Variants in DCDC1 observed in about 807,000 individuals in gnomAD.
The protein encoded by DCDC1 is doublecortin domain containing 1, also known as doublecortin domain-containing protein 1.
In DCDC1, 200 loss-of-function variants were observed where a neutral mutation model predicts 178.3. The ratio of observed to expected loss-of-function variants is 1.12; its 90% CI spans 1.00 to 1.26. The LOEUF (loss-of-function observed/expected upper bound fraction) is 1.26. Ranked by LOEUF, DCDC1 falls within the 50% of genes most tolerant of loss-of-function variation. The probability of loss-of-function intolerance (pLI) is 0.00; values close to 1 mark genes in which losing one functional copy is unlikely to be tolerated. For synonymous variants in DCDC1, 690 were observed against 604.8 expected, an observed-to-expected ratio of 1.14 and a Z score of -2.07; for missense variants, 1,983 against 1,749.2, an observed-to-expected ratio of 1.13 and a Z score of -2.38.
intron 20 of DCDC1, among the ~76,000 whole-genome samples, chr11:31,002,234 C>T (rs954739597): frequency 3.3e-5 from 5 of 152,118 alleles, no homozygotes; most frequent in Admixed American, 2.0e-4. Flanking sequence ...TTATCCAATG[C>T]AGAAGTAATT....
chr11:30,867,739 G>A (rs566047663), intron 38 of DCDC1, among the ~76,000 whole-genome samples: 4 of 152,200 alleles, frequency 2.6e-5, no homozygotes, highest in African/African-American at 7.2e-5. Flanking sequence ...TGCAGATCCT[G>A]GTGAGCACCT....
chr11:30,880,554 A>G (rs185830818), intron 37 of DCDC1, among the ~76,000 whole-genome samples: 77 of 152,298 alleles, frequency 5.1e-4, no homozygotes, highest in Admixed American at 2.6e-3. Context: ...CTTTAGAGTG[A>G]TAACAGTGTT....
At chr11:31,132,704 T>A (rs1463587969) in intron 10 of DCDC1, among the ~76,000 whole-genome samples, 1 of 152,090 alleles carries the variant, frequency 6.6e-6, no homozygotes, top group Non-Finnish European at 1.5e-5. Flanking sequence ...TCTGACCCTA[T>A]CAGTCCCATT....
chr11:31,112,710 AAGTACAG>A (rs1157442306), intron 11 of DCDC1, among the ~76,000 whole-genome samples: 8 of 152,288 alleles, frequency 5.3e-5, no homozygotes, highest in African/African-American at 7.2e-5. Flanking sequence ...TAGCAACACA[AAGTACAG>A]AGTTTCAAGA....
At chr11:31,042,531 A>G (rs1227864168) in intron 20 of DCDC1, among the ~76,000 whole-genome samples, 1 of 152,054 alleles carries the variant, frequency 6.6e-6, no homozygotes, top group Non-Finnish European at 1.5e-5. Flanking sequence ...CAGGATACTG[A>G]GGTTCCCTAA....
At chr11:31,163,783 C>T (rs1966528900) in intron 9 of DCDC1, among the ~76,000 whole-genome samples, 1 of 152,128 alleles carries the variant, frequency 6.6e-6, no homozygotes, top group Non-Finnish European at 1.5e-5. Flanking sequence ...CTCATCTGGA[C>T]ACTTTCAGGA....
chr11:31,308,848 CG>C (rs1948607507), intron 3 of DCDC1, among the ~76,000 whole-genome samples: 1 of 152,104 alleles, frequency 6.6e-6, no homozygotes, highest in Non-Finnish European at 1.5e-5. Flanking sequence ...TTACCATAAT[CG>C]GAAGTATCTT....
chr11:31,137,495 G>A (rs370835024), intron 10 of DCDC1, among the ~76,000 whole-genome samples, 197 bp downstream of exon 10: 10 of 151,834 alleles, frequency 6.6e-5, no homozygotes, highest in East Asian at 1.9e-4. Flanking sequence ...GATTACAGGC[G>A]CCCGCCACCA....
intron 26 of DCDC1, 136 bp from the exon 27 acceptor site, chr11:30,915,847 A>T: frequency 1.1e-5 from 9 of 795,726 alleles, no homozygotes; most frequent in South Asian, 1.7e-5. Flanking sequence ...GATAGACCAT[A>T]TCATTAGAAT....
chr11:31,321,818 TATTA>T (rs1949378411), intron 3 of DCDC1, among the ~76,000 whole-genome samples: 1 of 152,170 alleles, frequency 6.6e-6, no homozygotes, highest in Non-Finnish European at 1.5e-5. Flanking sequence ...TTCATAATAA[TATTA>T]ATTGTCAGGT....
chr11:30,873,456 G>T (rs921455562), intron 38 of DCDC1, among the ~76,000 whole-genome samples: 11 of 151,656 alleles, frequency 7.3e-5, no homozygotes, highest in Middle Eastern at 3.4e-3. Flanking sequence ...GTTTTCCAAG[G>T]AAAGTGTCTG....
intron 6 of DCDC1, among the ~76,000 whole-genome samples, chr11:31,293,234 A>G (rs903054234): frequency 6.6e-6 from 1 of 152,202 alleles, no homozygotes; most frequent in Non-Finnish European, 1.5e-5. Context: ...GGGTCCAATC[A>G]GGAATACAGA....
intron 9 of DCDC1, among the ~76,000 whole-genome samples, chr11:31,199,580 A>G (rs1221411476): frequency 3.3e-5 from 5 of 152,110 alleles, no homozygotes; most frequent in Non-Finnish European, 1.5e-5. Flanking sequence ...TGCTCAGAGA[A>G]TGTCTCTGAC....
rs1973529954 is a variant in DCDC1 at position 31,216,158 on chromosome 11, A to C, written c.1221+25292T>G. 2.6e-5 allele frequency among the ~76,000 whole-genome samples: 4 copies of C among 152,184 alleles called. No homozygotes were observed. In the South Asian group the frequency reaches 8.3e-4, roughly 32 times the overall value. On this transcript the variant is annotated intron_variant, in intron 9 of 38. Transcript: ENST00000684477. Reference sequence around the variant, plus strand: ...CCAGAGAAACACTGGAATTCCTGCTAATCTGGGCAGAAAGGGGTTGCAACT... The same window carrying C: ...CCAGAGAAACACTGGAATTCCTGCTCATCTGGGCAGAAAGGGGTTGCAACT...
chr11:30,909,036 A>G lies in DCDC1; in HGVS notation c.3828T>C (p.His1276=). The change falls in exon 29 of 39, where the codon CAT becomes CAC. Residue 1276 remains histidine (H), a synonymous_variant. Transcript: ENST00000684477. ...MKNIKALVAF[H]STALDKEITS... ...TAATTTCCTTATCCAAGGCAGTGCTATGAAAGGCCACAAGTGCTTTTATAT... is the reference window on the plus strand; with the variant it reads ...TAATTTCCTTATCCAAGGCAGTGCTGTGAAAGGCCACAAGTGCTTTTATAT... 2 of 1,612,806 alleles carry G rather than the reference A, an allele frequency of 1.2e-6. No individual in the cohort carries two copies. The highest frequency in any genetic ancestry group is 2.2e-5 in the East Asian group (1 of 44,800).
intron 20 of DCDC1, among the ~76,000 whole-genome samples, chr11:31,019,654 T>C (rs1952736678): frequency 6.6e-6 from 1 of 152,204 alleles, no homozygotes; most frequent in Non-Finnish European, 1.5e-5. Context: ...AATTAGATCA[T>C]GTCACGCCCC....
intron 20 of DCDC1, among the ~76,000 whole-genome samples, chr11:31,011,832 ATAT>A (rs1164615736): frequency 6.6e-6 from 1 of 152,214 alleles, no homozygotes; most frequent in Non-Finnish European, 1.5e-5. Flanking sequence ...ATATAGTAAA[ATAT>A]TATGTGGTAA....
intron 19 of DCDC1, 73 bp downstream of exon 19, chr11:31,064,944 CTT>C (rs1956163830): frequency 1.6e-6 from 1 of 628,764 alleles, no homozygotes; most frequent in African/African-American, 1.8e-5. Flanking sequence ...CTGAAAACAA[CTT>C]GAACATTTTT....
chr11:31,223,220 G>A (rs1974489936), intron 9 of DCDC1, among the ~76,000 whole-genome samples: 1 of 152,076 alleles, frequency 6.6e-6, no homozygotes, highest in South Asian at 2.1e-4. Context: ...ATTACAATAG[G>A]AGAATGGTTA....
Sources: allele counts gnomAD v4.1 joint callset (sites outside exome capture counted in the v4.1 genomes callset), GRCh38; gene constraint gnomAD v4.1.1; transcripts MANE v1.5; gene names NCBI Gene and HGNC (gene_info 2026-07-23, HGNC 2026-07-21).